The following RBFOX3 variants were observed in gnomAD, a reference collection of about 807,000 sequenced individuals.
RBFOX3 encodes the protein RNA binding protein fox-1 homolog 3.
In RBFOX3, 17 loss-of-function variants were observed where a neutral mutation model predicts 48.7. The ratio of observed to expected loss-of-function variants is 0.35; its 90% confidence interval spans 0.24 to 0.52. The LOEUF is 0.52. RBFOX3 is among the 20% of genes least tolerant of loss of function. The pLI is 0.94. For missense variants in RBFOX3, 382 were observed against 497.5 expected (o/e 0.77, Z 2.21); for synonymous variants, 212 against 209.5 (o/e 1.01, Z -0.10).
intron 2 of RBFOX3, among the ~76,000 whole-genome samples, chr17:79,444,563 C>A (rs979187003): frequency 6.6e-6 from 1 of 152,126 alleles, no homozygotes; most frequent in Non-Finnish European, 1.5e-5. Context: ...TCCACCACTT[C>A]CTCTGGGCAC....
In RBFOX3 at chr17:79,220,890, G is replaced by A. The variant is rs2059643499; in HGVS notation, c.-34+14876C>T. Among the ~76,000 whole-genome samples the A allele has an allele frequency of 6.6e-6, 1 of 152,042 alleles. No individual in the cohort carries two copies. The highest frequency in any genetic ancestry group is 1.5e-5 in the Non-Finnish European group (1 of 67,980). ...CAGAGACGAGGCGCAGAAGTTGAATGTGCATTGGGTGCAGCAGGGGTGAGA... is the reference window on the plus strand; with the variant it reads ...CAGAGACGAGGCGCAGAAGTTGAATATGCATTGGGTGCAGCAGGGGTGAGA... On this transcript the variant is annotated intron_variant, in intron 4 of 14. Transcript: ENST00000693108. This position sits in a 1 kb window ranked among gnomAD's most constrained non-coding sequence, Gnocchi z 5.9.
chr17:79,481,110 G>A lies in RBFOX3; in HGVS notation c.-175+1344C>T, dbSNP rs1201420293. 8.5e-5 allele frequency among the ~76,000 whole-genome samples: 13 copies of A among 152,328 alleles called. No individual in the cohort carries two copies. Among genetic ancestry groups the A allele is most frequent in the Admixed American group, 8.5e-4 (13 of 15,304 alleles). Reference sequence around the variant, plus strand: ...GCACGCCTGGAGAAGCACCCAGACTGTGCATAGAGACTTCCAATTCTGCAA... The same window carrying A: ...GCACGCCTGGAGAAGCACCCAGACTATGCATAGAGACTTCCAATTCTGCAA... On this transcript the variant is annotated intron_variant, in intron 2 of 14. Coordinates refer to ENST00000693108, the MANE Select transcript of RBFOX3 (RefSeq NM_001350451.2). The surrounding 1 kb of genome is among the most constrained non-coding windows in gnomAD (Gnocchi z 5.4).
chr17:79,247,310 ATTTTTTT>A (rs57539628), intron 3 of RBFOX3, among the ~76,000 whole-genome samples: 2 of 116,568 alleles, frequency 1.7e-5, no homozygotes, highest in African/African-American at 3.3e-5. Context: ...ACATAATCGT[ATTTTTTT>A]TTTTTTTTTT....
Position 79,299,869 on chromosome 17 carries a change from G to A in RBFOX3, c.-74+7855C>T, listed in dbSNP as rs2124603. Among the ~76,000 whole-genome samples the A allele has an allele frequency of 0.53, 79,998 of 151,666 alleles. 21,355 individuals carry two copies. Among genetic ancestry groups the A allele is most frequent in the Middle Eastern group, 0.67 (196 of 294 alleles). ...GCATCTCTGTTTAGCCAGCTTCTCA[G>A]TACCCCACACAGGCCTCCAAAGGAA... On this transcript the variant is annotated intron_variant, in intron 3 of 14. Transcript: ENST00000693108. This position sits in a 1 kb window ranked among gnomAD's most constrained non-coding sequence, Gnocchi z 4.5.
chr17:79,304,865 C>T (rs1485107167), intron 3 of RBFOX3, among the ~76,000 whole-genome samples: 1 of 152,130 alleles, frequency 6.6e-6, no homozygotes, highest in Non-Finnish European at 1.5e-5. Context: ...ACACGGGTGC[C>T]GTGTTCTCGA....
At chr17:79,483,446 C>CCCTG (rs2079054860) in intron 1 of RBFOX3, among the ~76,000 whole-genome samples, 2 of 109,028 alleles carry the variant, frequency 1.8e-5, no homozygotes, top group Non-Finnish European at 3.8e-5. Flanking sequence ...AGGCCTCCCT[C>CCCTG]CCTCCCTCCC....
At chr17:79,332,003 A>G (rs1323040704) in intron 2 of RBFOX3, among the ~76,000 whole-genome samples, 1 of 152,008 alleles carries the variant, frequency 6.6e-6, no homozygotes, top group Non-Finnish European at 1.5e-5. Context: ...TTTCCATTCT[A>G]TCTCAGGTCT....
intron 4 of RBFOX3, among the ~76,000 whole-genome samples, chr17:79,187,140 A>G (rs1384260668): frequency 6.6e-6 from 1 of 152,250 alleles, no homozygotes; most frequent in Non-Finnish European, 1.5e-5. Context: ...GGTGGGCCAA[A>G]TGAGTCCTGT....
chr17:79,594,562 G>A (rs1011986391), intron 1 of RBFOX3, among the ~76,000 whole-genome samples: 6 of 152,174 alleles, frequency 3.9e-5, no homozygotes, highest in Non-Finnish European at 7.3e-5. Context: ...GGGAGGACTC[G>A]AGCCACACAA....
At chr17:79,124,252 G>A (rs906324122) in intron 4 of RBFOX3, among the ~76,000 whole-genome samples, 1 of 152,226 alleles carries the variant, frequency 6.6e-6, no homozygotes, top group Non-Finnish European at 1.5e-5. Context: ...CAGAAGAGAG[G>A]GTTGTTAGAC....
intron 1 of RBFOX3, among the ~76,000 whole-genome samples, 76 bp downstream of exon 1, chr17:79,610,750 T>C (rs2093953139): frequency 6.6e-6 from 1 of 152,006 alleles, no homozygotes; most frequent in Non-Finnish European, 1.5e-5. Context: ...TCCGCGGCCA[T>C]GTCCCCCTCC....
intron 4 of RBFOX3, among the ~76,000 whole-genome samples, chr17:79,219,370 G>A (rs2059439617): frequency 6.6e-6 from 1 of 152,240 alleles, no homozygotes; most frequent in East Asian, 1.9e-4. Context: ...GGGATATGCA[G>A]CCTTCTCCAA....
At chr17:79,152,270 C>T (rs976917575) in intron 4 of RBFOX3, among the ~76,000 whole-genome samples, 3 of 152,238 alleles carry the variant, frequency 2.0e-5, no homozygotes, top group African/African-American at 4.8e-5. Flanking sequence ...ACCCCCGGGG[C>T]GAGACTTCGG....
At chr17:79,659,013 A>G in the RBFOX3 span, among the ~76,000 whole-genome samples, 1 of 152,150 alleles carries the variant, frequency 6.6e-6, no homozygotes, top group Non-Finnish European at 1.5e-5. Context: ...TGGTCCGGGC[A>G]GCTCTTCTTG....
In RBFOX3 at chr17:79,418,595, G is replaced by C. The variant is rs146284089; in HGVS notation, c.-175+63859C>G. Among the ~76,000 whole-genome samples, 21 of 152,342 alleles carry C rather than the reference G, an allele frequency of 1.4e-4. No homozygotes were observed. Among genetic ancestry groups the C allele is most frequent in the Middle Eastern group, 3.4e-3 (1 of 294 alleles). ...AGTCTCAGGGCAGCATCCCAGCTCA[G>C]GGATGCTTCTTGGCAAGGAGGTCTG... On this transcript the variant is annotated intron_variant, in intron 2 of 14. Coordinates refer to ENST00000693108, the MANE Select transcript of RBFOX3 (RefSeq NM_001350451.2). This position sits in a 1 kb window ranked among gnomAD's most constrained non-coding sequence, Gnocchi z 5.0.
intron 4 of RBFOX3, among the ~76,000 whole-genome samples, chr17:79,221,826 G>A (rs1022326800): frequency 6.6e-6 from 1 of 152,264 alleles, no homozygotes; most frequent in African/African-American, 2.4e-5. Flanking sequence ...GCAAGCCCAG[G>A]GGAGGTGACA....
At chr17:79,634,526 T>C in the RBFOX3 span, among the ~76,000 whole-genome samples, 1 of 152,146 alleles carries the variant, frequency 6.6e-6, no homozygotes, top group Non-Finnish European at 1.5e-5. Context: ...GGCGTTCCCA[T>C]AGACCCGCAA....
chr17:79,307,114 G>A (rs1267712624), intron 3 of RBFOX3, among the ~76,000 whole-genome samples: 1 of 152,254 alleles, frequency 6.6e-6, no homozygotes, highest in African/African-American at 2.4e-5. Flanking sequence ...TATAATAAAG[G>A]TTTCCGACTC....
chr17:79,150,908 C>T (rs7503259), intron 4 of RBFOX3, among the ~76,000 whole-genome samples: 97,710 of 151,842 alleles, frequency 0.64, 31,793 homozygotes, highest in Non-Finnish European at 0.69. Context: ...CCTAGCGCCG[C>T]CTGCGAGGGA....
Sources: allele counts gnomAD v4.1 joint callset (sites outside exome capture counted in the v4.1 genomes callset), GRCh38; gene constraint gnomAD v4.1.1; non-coding constraint Gnocchi (gnomAD v3.1); transcripts MANE v1.5; gene names NCBI Gene and HGNC (gene_info 2026-07-23, HGNC 2026-07-21).